The following CNOT9 variants were observed in gnomAD, a reference collection of about 807,000 sequenced individuals.
The protein encoded by CNOT9 is RCD1 required for cell differentiation1 homolog.
A neutral mutation model predicts 37.4 loss-of-function variants in CNOT9; 8 were observed. That is an observed-to-expected ratio of 0.21 (90% CI 0.13 to 0.39). The LOEUF (loss-of-function observed/expected upper bound fraction) is 0.39. CNOT9 is among the 10% of genes least tolerant of loss of function. The probability of loss-of-function intolerance (pLI) is 1.00; values close to 1 mark genes in which losing one functional copy is unlikely to be tolerated. For missense variants in CNOT9, 154 were observed against 365.3 expected (o/e 0.42, Z 4.71); for synonymous variants, 120 against 137.6 (o/e 0.87, Z 0.90).
chr2:218,584,708 C>T lies in CNOT9; in HGVS notation c.417C>T (p.Ser139=). The T allele has an allele frequency of 6.2e-7, 1 of 1,608,668 alleles. No individual in the cohort carries two copies. The highest frequency in any genetic ancestry group is 8.5e-7 in the Non-Finnish European group (1 of 1,175,110). Residue 139 remains serine, a synonymous_variant, in exon 4 of 8, where the codon AGC becomes AGT. Coordinates refer to ENST00000273064, the MANE Select transcript of CNOT9 (RefSeq NM_005444.3). ...TRPFEYLRLT[S]LGVIGALVKT... ...CCTTTGAGTATCTCCGGCTCACCAG[C>T]CTTGGAGTTATTGGTAAGTTATTAG...
chr2:218,586,488 C>CTTTTT (rs779670750), intron 4 of CNOT9, among the ~76,000 whole-genome samples: 1 of 137,742 alleles, frequency 7.3e-6, no homozygotes, highest in Non-Finnish European at 1.6e-5. Flanking sequence ...CTGATCTCAG[C>CTTTTT]TTTTTTTTTT....
chr2:218,572,935 T>G (rs960611159), intron 1 of CNOT9, among the ~76,000 whole-genome samples: 2 of 152,206 alleles, frequency 1.3e-5, no homozygotes, highest in Non-Finnish European at 2.9e-5. Context: ...TTAATTCACT[T>G]TCTCCTCCCG....
chr2:218,573,382 A>T (rs1333416998), intron 1 of CNOT9, among the ~76,000 whole-genome samples: 2 of 151,948 alleles, frequency 1.3e-5, no homozygotes, highest in Non-Finnish European at 2.9e-5. Context: ...AAGCTAATTT[A>T]GTACTTCCAG....
chr2:218,580,475 A>C, intron 1 of CNOT9, 86 bp from the exon 2 acceptor site: 1 of 1,161,816 alleles, frequency 8.6e-7, no homozygotes, highest in Non-Finnish European at 1.2e-6. Context: ...TTCATGAAAA[A>C]TATATTTCCT....
chr2:218,574,630 A>G (rs111273952), intron 1 of CNOT9, among the ~76,000 whole-genome samples: 1,949 of 152,332 alleles, frequency 0.013, 47 homozygotes, highest in African/African-American at 0.045. Context: ...TTAAACCTCT[A>G]TTAACCTGTT....
chr2:218,574,001 G>A lies in CNOT9; in HGVS notation c.24+5023G>A, dbSNP rs373235953. 62 of 428,606 alleles carry A rather than the reference G, an allele frequency of 1.4e-4. No individual in the cohort carries two copies. The Middle Eastern group carries it at 2.9e-3, about 20-fold the overall frequency. The allele number at this position is 428,606 out of a possible 1,614,324, so 26.6% of individuals were successfully genotyped here. On this transcript the variant is annotated intron_variant, in intron 1 of 7. Transcript: ENST00000273064. ...TTTTATGTTTTTGAGACAGGATCTC[G>A]CTTTGTTACCCAGGCTGGAGTGCAG...
At chr2:218,573,676 A>G (rs1000575093) in intron 1 of CNOT9, 6 of 152,426 alleles carry the variant, frequency 3.9e-5, no homozygotes, top group African/African-American at 9.6e-5. Context: ...AAAATAATTT[A>G]TAAACATCTT....
intron 1 of CNOT9, among the ~76,000 whole-genome samples, chr2:218,576,958 C>T (rs1694190365): frequency 8.0e-6 from 1 of 124,540 alleles, no homozygotes; most frequent in African/African-American, 3.0e-5. Flanking sequence ...CAGAGTGAGG[C>T]TCCATCTCAA....
chr2:218,588,730 C>CT (rs1694680649), intron 5 of CNOT9, among the ~76,000 whole-genome samples: 1 of 108,904 alleles, frequency 9.2e-6, no homozygotes, highest in African/African-American at 2.6e-5. Context: ...CCACTCCTGG[C>CT]TAATTTTTTT....
chr2:218,587,988 C>T (rs762132009), intron 5 of CNOT9, among the ~76,000 whole-genome samples: 4 of 152,090 alleles, frequency 2.6e-5, no homozygotes, highest in Admixed American at 2.6e-4. Flanking sequence ...CCTTCTATAA[C>T]CGGGCTTTTT....
intron 1 of CNOT9, among the ~76,000 whole-genome samples, chr2:218,575,387 C>CTTTTTTTTTTTTTTTTTTTTT (rs71064461): frequency 7.9e-6 from 1 of 127,236 alleles, no homozygotes; most frequent in African/African-American, 2.8e-5. Flanking sequence ...TTTCTTTTTT[C>CTTTTTTTTTTTTTTTTTTTTT]TTTTTTTTTT....
chr2:218,580,827 T>A (rs546424981), intron 2 of CNOT9, 87 bp downstream of exon 2: 1 of 1,240,882 alleles, frequency 8.1e-7, no homozygotes, highest in African/African-American at 1.5e-5. Flanking sequence ...TTGAAGACTT[T>A]AGGAGGATGA....
chr2:218,591,525 C>T (rs1056817957), intron 5 of CNOT9, among the ~76,000 whole-genome samples: 4 of 152,090 alleles, frequency 2.6e-5, no homozygotes, highest in Non-Finnish European at 2.9e-5. Flanking sequence ...AGGTGGATCA[C>T]GAGGTCAGGG....
chr2:218,589,734 C>T (rs575191273), intron 5 of CNOT9, among the ~76,000 whole-genome samples: 3 of 152,316 alleles, frequency 2.0e-5, no homozygotes, highest in East Asian at 1.9e-4. Context: ...CCTTGAACTC[C>T]GGGGCTCAAG....
intron 2 of CNOT9, chr2:218,581,148 T>C: frequency 3.4e-6 from 1 of 298,330 alleles, no homozygotes. Flanking sequence ...AAATGGGTTT[T>C]TGGGTTTTTT....
chr2:218,594,080 CTGGT>C (rs1694860608), intron 7 of CNOT9, 24 bp from the exon 8 acceptor site: 1 of 1,611,944 alleles, frequency 6.2e-7, no homozygotes, highest in African/African-American at 1.3e-5. Flanking sequence ...GTTGGTCTCC[CTGGT>C]TGGTTTGTTT....
Position 218,595,914 on chromosome 2 carries a change from T to TA in CNOT9, c.*1639dup, listed in dbSNP as rs1559253465. On this transcript the variant is annotated 3_prime_UTR_variant, in exon 8 of 8. Transcript: ENST00000273064. ...ATATAGGAAGGGCAGAATAAGCACT[T>TA]ACTCCCCCTGCCTTCCAAGATGAAG... 1.3e-5 allele frequency: 2 copies of TA among 152,136 alleles called. No homozygotes were observed. The highest frequency in any genetic ancestry group is 1.3e-4 in the Admixed American group (2 of 15,258). The allele number at this position is 152,136 out of a possible 1,614,324, so 9.4% of individuals were successfully genotyped here. A position where few individuals can be genotyped will look rare whatever the true frequency, so the allele number is the denominator to read the frequency against.
chr2:218,582,378 G>A (rs527285068), intron 2 of CNOT9, among the ~76,000 whole-genome samples: 10 of 151,644 alleles, frequency 6.6e-5, no homozygotes, highest in Admixed American at 3.9e-4. Context: ...AAGTGTAGAT[G>A]ACTACATTTG....
intron 5 of CNOT9, among the ~76,000 whole-genome samples, chr2:218,590,495 C>T (rs1694736477): frequency 6.6e-6 from 1 of 152,124 alleles, no homozygotes; most frequent in Non-Finnish European, 1.5e-5. Flanking sequence ...TAACAAATTA[C>T]CACAAGCTAG....
Sources: allele counts gnomAD v4.1 joint callset (sites outside exome capture counted in the v4.1 genomes callset), GRCh38; gene constraint gnomAD v4.1.1; transcripts MANE v1.5; gene names NCBI Gene and HGNC (gene_info 2026-07-23, HGNC 2026-07-21).